Variants in RNF213 observed in about 807,000 individuals in gnomAD.
The protein encoded by RNF213 is E3 ubiquitin-protein ligase RNF213.
In RNF213, 341 loss-of-function variants were observed where a neutral mutation model predicts 514.4. The ratio of observed to expected loss-of-function variants is 0.66; its 90% CI spans 0.61 to 0.73. The LOEUF (loss-of-function observed/expected upper bound fraction) is 0.73. Ranked by LOEUF, RNF213 falls within the 30% of genes least tolerant of loss-of-function variation. The pLI is 0.00. For synonymous variants in RNF213, 2,655 were observed against 2,658.2 expected (o/e 1.00, Z 0.04); for missense variants, 5,767 against 6,615.6 (o/e 0.87, Z 4.45).
intron 3 of RNF213, among the ~76,000 whole-genome samples, chr17:80,279,744 C>T (rs2044192693): frequency 6.6e-6 from 1 of 152,100 alleles, no homozygotes; most frequent in East Asian, 1.9e-4. Context: ...GCTGGGATTA[C>T]AGACGTGAGC....
chr17:80,359,608 G>GAA (rs2078975974), intron 37 of RNF213, among the ~76,000 whole-genome samples: 2 of 60,854 alleles, frequency 3.3e-5, no homozygotes, highest in Non-Finnish European at 4.5e-5. Context: ...GCGAGAGAAA[G>GAA]AGAGAAAGAA....
chr17:80,350,387 C>T lies in RNF213; in HGVS notation c.10175C>T (p.Ala3392Val). 1 of 1,598,882 alleles carries T rather than the reference C, an allele frequency of 6.3e-7. No homozygotes were observed. The highest frequency in any genetic ancestry group is 8.6e-7 in the Non-Finnish European group (1 of 1,166,290). ...GGAATCCGTAGCGCCCAGCTCATTG[C>T]CTCAGCTAAGTATGTTTTTAGTATT... ...EDGIRSAQLI[A>V]SAKYSVINEI... Residue 3392 changes from alanine to valine, a missense_variant, in exon 31 of 68, where the codon GCC becomes GTC. Coordinates refer to ENST00000582970, the MANE Select transcript of RNF213 (RefSeq NM_001256071.3).
rs1423356664 is a variant in RNF213 at position 80,315,270 on chromosome 17, A to C, written c.2812-1918A>C. On this transcript the variant is annotated intron_variant, in intron 15 of 67. Coordinates refer to ENST00000582970, the MANE Select transcript of RNF213 (RefSeq NM_001256071.3). ...GGTGGTGGACGTGATGGTGGAGGTAATGGAGGTGATGGTGGTGGTGGTGGT... is the reference window on the plus strand; with the variant it reads ...GGTGGTGGACGTGATGGTGGAGGTACTGGAGGTGATGGTGGTGGTGGTGGT... 9.6e-3 allele frequency among the ~76,000 whole-genome samples: 89 copies of C among 9,224 alleles called. 14 individuals carry two copies. The highest frequency in any genetic ancestry group is 0.013 in the African/African-American group (16 of 1,234). 6.1% of individuals were successfully genotyped at this position (9,224 alleles called of 152,430 possible).
intron 65 of RNF213, 39 bp from the exon 66 acceptor site, chr17:80,389,789 G>A (rs1228468430): frequency 6.4e-7 from 1 of 1,563,288 alleles, no homozygotes; most frequent in African/African-American, 1.4e-5. Context: ...GGGGGTGTGA[G>A]ACCTCAGCCC....
Position 80,263,711 on chromosome 17 carries a change from C to T in RNF213, c.30C>T (p.Ser10=). Residue 10 remains serine, a synonymous_variant, in exon 2 of 68, where the codon TCC becomes TCT. Transcript: ENST00000582970. The surrounding 1 kb of genome is among the most constrained non-coding windows in gnomAD (Gnocchi z 4.9). MECPSCQHV[S]KEETPKFCSQ... Reference sequence around the variant, plus strand: ...AGTGTCCTTCGTGCCAGCATGTCTCCAAGGAGGAAACCCCCAAGTTCTGCA... The same window carrying T: ...AGTGTCCTTCGTGCCAGCATGTCTCTAAGGAGGAAACCCCCAAGTTCTGCA... 3.7e-6 allele frequency: 6 copies of T among 1,614,174 alleles called. No homozygotes were observed. Among genetic ancestry groups the T allele is most frequent in the Non-Finnish European group, 5.1e-6 (6 of 1,180,026 alleles).
At chr17:80,280,442 G>T (rs2044219125) in intron 3 of RNF213, among the ~76,000 whole-genome samples, 1 of 152,112 alleles carries the variant, frequency 6.6e-6, no homozygotes, top group Admixed American at 6.6e-5. Flanking sequence ...GCTCTGAATG[G>T]GTTTGGTGGG....
rs762922298 is a variant in RNF213, at chr17:80,379,630, C to T, written c.13556C>T (p.Pro4519Leu). ...HPCSVGECGR[P>L]MEQSICIDCH... ...CTGTCTTCACCCTAGTGTGGCAGGC[C>T]GATGGAACAGAGCATCTGCATTGAC... The change falls in exon 55 of 68, where the codon CCG becomes CTG. Residue 4519 changes from proline to leucine, a missense_variant. Around this residue, in one of 13 missense-constraint regions of RNF213, gnomAD observed 1,245 missense variants for 1,339.0 expected, o/e 0.93. Coordinates refer to ENST00000582970, the MANE Select transcript of RNF213 (RefSeq NM_001256071.3). The T allele has an allele frequency of 7.4e-6, 12 of 1,613,908 alleles. No homozygotes were observed. In the South Asian group the frequency reaches 8.8e-5, roughly 12 times the overall value.
chr17:80,298,086 C>G (rs185174542), intron 10 of RNF213, among the ~76,000 whole-genome samples: 185 of 152,310 alleles, frequency 1.2e-3, no homozygotes, highest in African/African-American at 4.3e-3. Flanking sequence ...GAGATCCCTC[C>G]CCTGTCCTGG....
chr17:80,360,707 G>A (rs1359097560), intron 38 of RNF213, among the ~76,000 whole-genome samples: 3 of 152,206 alleles, frequency 2.0e-5, no homozygotes, highest in Admixed American at 2.0e-4. Context: ...ACAGTGCTGA[G>A]CTCTGCTGCC....
chr17:80,318,755 T>A lies in RNF213; in HGVS notation c.2902-435T>A, dbSNP rs1274354569. On this transcript the variant is annotated intron_variant, in intron 16 of 67. Coordinates refer to ENST00000582970, the MANE Select transcript of RNF213 (RefSeq NM_001256071.3). ...CGCCCAGCTATATTTTTGTATTTTT[T>A]GTAGAGACGGGGTTTCACCGTGTTA... Among the ~76,000 whole-genome samples the A allele has an allele frequency of 3.3e-5, 5 of 152,154 alleles. No homozygotes were observed. In the East Asian group the frequency reaches 5.8e-4, roughly 18 times the overall value.
intron 20 of RNF213, among the ~76,000 whole-genome samples, chr17:80,329,150 C>T (rs1286779131): frequency 6.6e-6 from 1 of 152,238 alleles, no homozygotes; most frequent in African/African-American, 2.4e-5. Context: ...TGCCTGGCAC[C>T]TGGGTTAGAC....
Position 80,345,237 on chromosome 17 carries a change from A to G in RNF213, c.6902A>G (p.Glu2301Gly). Residue 2301 changes from glutamate (E) to glycine (G), a missense_variant, in exon 29 of 68, where the codon GAG becomes GGG. Physicochemically the swap from Glu to Gly is moderately conservative, Grantham distance 98. Around this residue, in one of 13 missense-constraint regions of RNF213, gnomAD observed 1,377 missense variants for 1,635.2 expected, o/e 0.84. Coordinates refer to ENST00000582970, the MANE Select transcript of RNF213 (RefSeq NM_001256071.3). The surrounding 1 kb of genome is among the most constrained non-coding windows in gnomAD (Gnocchi z 6.0). ...TCCCTCCGGAAGAGGTGGGAGTCGG[A>G]GCCTCACCCATACGTTTTCTTCAAT... ...PFSLRKRWESEPHPYVFFNDD... is the reference protein window; with the variant it reads ...PFSLRKRWESGPHPYVFFNDD... 3 of 1,614,094 alleles carry G rather than the reference A, an allele frequency of 1.9e-6. No homozygotes were observed. Among genetic ancestry groups the G allele is most frequent in the South Asian group, 1.1e-5 (1 of 91,068 alleles).
intron 42 of RNF213, 157 bp downstream of exon 42, chr17:80,364,710 C>G (rs202006755): frequency 1.2e-6 from 1 of 806,300 alleles, no homozygotes; most frequent in Admixed American, 2.2e-5. Context: ...TAGGCCATTA[C>G]ATTTTCCATG....
At chr17:80,389,074 A>G in intron 64 of RNF213, 99 bp from the exon 65 acceptor site, 2 of 1,163,420 alleles carry the variant, frequency 1.7e-6, no homozygotes, top group Non-Finnish European at 2.6e-6. Flanking sequence ...GGCCCCCCGC[A>G]TGTGGCTTGG....
chr17:80,377,864 G>C lies in RNF213; in HGVS notation c.13545+68G>C. 1 of 1,566,574 alleles carries C rather than the reference G, an allele frequency of 6.4e-7. No individual in the cohort carries two copies. Among genetic ancestry groups the C allele is most frequent in the African/African-American group, 1.4e-5 (1 of 74,064 alleles). Reference sequence around the variant, plus strand: ...ACTCCTGGGTTGGAGGAGGGGGATCGTGGGTCAGGAGAGTGAGGCTCTCGG... The same window carrying C: ...ACTCCTGGGTTGGAGGAGGGGGATCCTGGGTCAGGAGAGTGAGGCTCTCGG... On this transcript the variant is annotated intron_variant, in intron 54 of 67. Transcript: ENST00000582970. The surrounding 1 kb of genome is among the most constrained non-coding windows in gnomAD (Gnocchi z 4.1).
chr17:80,352,450 G>T, intron 32 of RNF213: 1 of 418,268 alleles, frequency 2.4e-6, no homozygotes. Context: ...TTGGCGGGGA[G>T]GGAGAGTGGC....
At chr17:80,323,935 C>T (rs1014271686) in intron 17 of RNF213, among the ~76,000 whole-genome samples, 1 of 151,902 alleles carries the variant, frequency 6.6e-6, no homozygotes, top group Admixed American at 6.6e-5. Flanking sequence ...GTCTTGTATC[C>T]TGCAACATTG....
chr17:80,283,430 C>T (rs978820414), intron 3 of RNF213, among the ~76,000 whole-genome samples: 9 of 152,220 alleles, frequency 5.9e-5, no homozygotes, highest in Non-Finnish European at 1.2e-4. Flanking sequence ...AACTGGATCA[C>T]GGTCCCTCCA....
In RNF213 at chr17:80,377,757, C is replaced by T; in HGVS notation, c.13511-5C>T. ...TAGCCAATGTGTGTCCTGTTCTCTTCACAGCTTGTCCCAACGGCCATCCTT... is the reference window on the plus strand; with the variant it reads ...TAGCCAATGTGTGTCCTGTTCTCTTTACAGCTTGTCCCAACGGCCATCCTT... On this transcript the variant is annotated splice_region_variant and splice_polypyrimidine_tract_variant and intron_variant, in intron 53 of 67. Coordinates refer to ENST00000582970, the MANE Select transcript of RNF213 (RefSeq NM_001256071.3). This position sits in a 1 kb window ranked among gnomAD's most constrained non-coding sequence, Gnocchi z 4.1. 6.2e-7 allele frequency: 1 copy of T among 1,614,166 alleles called. No individual in the cohort carries two copies. The highest frequency in any genetic ancestry group is 8.5e-7 in the Non-Finnish European group (1 of 1,180,014).
Sources: allele counts gnomAD v4.1 joint callset (sites outside exome capture counted in the v4.1 genomes callset), GRCh38; gene constraint gnomAD v4.1.1; regional missense constraint gnomAD v4.1.1; non-coding constraint Gnocchi (gnomAD v3.1); transcripts MANE v1.5; gene names NCBI Gene and HGNC (gene_info 2026-07-23, HGNC 2026-07-21).